Variants in C12orf54 observed in about 807,000 individuals in gnomAD.
The protein encoded by C12orf54 is chromosome 12 open reading frame 54, also known as uncharacterized protein C12orf54.
Under a neutral mutation model 26.4 loss-of-function variants are expected in C12orf54, and 24 were observed. That is an observed-to-expected ratio of 0.91 (90% CI 0.66 to 1.28). The LOEUF (loss-of-function observed/expected upper bound fraction) is 1.28, where lower values mean the gene tolerates loss of function less well. Ranked by LOEUF, C12orf54 falls within the 50% of genes most tolerant of loss-of-function variation. The pLI, the probability that C12orf54 is intolerant of heterozygous loss-of-function variation, is 0.00. For missense variants in C12orf54, 154 were observed against 150.9 expected, an observed-to-expected ratio of 1.02 and a Z score of -0.11; for synonymous variants, 54 against 47.0, an observed-to-expected ratio of 1.15 and a Z score of -0.61.
At chr12:48,434,136 G>A in the C12orf54 span, among the ~76,000 whole-genome samples, 9 of 152,238 alleles carry the variant, frequency 5.9e-5, no homozygotes, top group Admixed American at 2.0e-4. Context: ...GACTCGGAGG[G>A]TCCTACACCC....
At chr12:48,450,169 A>G in the C12orf54 span, among the ~76,000 whole-genome samples, 1 of 152,188 alleles carries the variant, frequency 6.6e-6, no homozygotes, top group African/African-American at 2.4e-5. Context: ...AGGAATGGAG[A>G]AGAAACAATC....
the C12orf54 span, among the ~76,000 whole-genome samples, chr12:48,423,266 G>A: frequency 6.6e-6 from 1 of 152,092 alleles, no homozygotes; most frequent in Non-Finnish European, 1.5e-5. Context: ...AAGTGTAGTT[G>A]ACTATATAAA....
the C12orf54 span, among the ~76,000 whole-genome samples, chr12:48,427,525 G>A: frequency 5.3e-4 from 80 of 152,172 alleles, no homozygotes; most frequent in South Asian, 0.016. Flanking sequence ...CAAGGATATT[G>A]ACCTGAAGCT....
the C12orf54 span, among the ~76,000 whole-genome samples, chr12:48,466,406 A>G: frequency 2.0e-5 from 3 of 152,052 alleles, no homozygotes; most frequent in African/African-American, 7.2e-5. Flanking sequence ...AGCCCTGGGC[A>G]TGGTGACGTG....
chr12:48,432,841 C>T, the C12orf54 span, among the ~76,000 whole-genome samples: 1 of 150,938 alleles, frequency 6.6e-6, no homozygotes, highest in East Asian at 1.9e-4. Flanking sequence ...TGCACTGCAG[C>T]CTGGGCAACA....
chr12:48,474,223 T>C, the C12orf54 span, among the ~76,000 whole-genome samples: 1 of 152,236 alleles, frequency 6.6e-6, no homozygotes, highest in South Asian at 2.1e-4. Context: ...CTTCTACATG[T>C]ATTTCTGTGC....
chr12:48,451,448 C>T, the C12orf54 span, among the ~76,000 whole-genome samples: 2 of 152,160 alleles, frequency 1.3e-5, no homozygotes, highest in African/African-American at 4.8e-5. Flanking sequence ...AAATTGCCCT[C>T]CCTCACCACT....
At chr12:48,415,713 T>C in the C12orf54 span, among the ~76,000 whole-genome samples, 15 of 152,314 alleles carry the variant, frequency 9.8e-5, no homozygotes, top group Admixed American at 6.5e-4. Context: ...AGATGTTCTA[T>C]GCCAGTCTTA....
intron 2 of C12orf54, among the ~76,000 whole-genome samples, chr12:48,484,286 T>C (rs1297124735): frequency 6.6e-6 from 1 of 152,234 alleles, no homozygotes; most frequent in Non-Finnish European, 1.5e-5. Flanking sequence ...ACCTCAAGCC[T>C]GAGACCCAGT....
At chr12:48,492,585 T>A (rs552871406) in intron 6 of C12orf54, among the ~76,000 whole-genome samples, 18 of 152,098 alleles carry the variant, frequency 1.2e-4, no homozygotes, top group Non-Finnish European at 1.2e-4. Context: ...CAGGGTGAGA[T>A]GAGGAGAATT....
chr12:48,453,043 T>G, the C12orf54 span, among the ~76,000 whole-genome samples: 1 of 152,192 alleles, frequency 6.6e-6, no homozygotes, highest in Non-Finnish European at 1.5e-5. Context: ...TGCACATGTC[T>G]GTTCACTGAA....
the C12orf54 span, among the ~76,000 whole-genome samples, chr12:48,434,264 G>A: frequency 3.1e-4 from 47 of 152,240 alleles, no homozygotes; most frequent in South Asian, 1.2e-3. Context: ...AAGTGGCTGG[G>A]AAGCTCGAAC....
the C12orf54 span, among the ~76,000 whole-genome samples, chr12:48,466,993 G>A: frequency 3.9e-5 from 6 of 152,172 alleles, no homozygotes; most frequent in East Asian, 1.9e-4. Flanking sequence ...TGATGTGAAC[G>A]GTACCCCTCC....
At chr12:48,440,027 C>T in the C12orf54 span, among the ~76,000 whole-genome samples, 3 of 152,056 alleles carry the variant, frequency 2.0e-5, no homozygotes, top group Admixed American at 6.6e-5. Flanking sequence ...GAGTTCGAGA[C>T]CAGCCTGGCC....
At chr12:48,439,190 A>T in the C12orf54 span, among the ~76,000 whole-genome samples, 1 of 152,234 alleles carries the variant, frequency 6.6e-6, no homozygotes, top group Admixed American at 6.5e-5. Context: ...AATCGAAACC[A>T]CAATGAGATA....
At chr12:48,467,865 C>A in the C12orf54 span, among the ~76,000 whole-genome samples, 1 of 152,014 alleles carries the variant, frequency 6.6e-6, no homozygotes, top group Non-Finnish European at 1.5e-5. Flanking sequence ...GGCCATGTAA[C>A]AACTTAGCTA....
At chr12:48,476,672 G>T in the C12orf54 span, among the ~76,000 whole-genome samples, 1 of 152,064 alleles carries the variant, frequency 6.6e-6, no homozygotes, top group Non-Finnish European at 1.5e-5. Flanking sequence ...ATGCTAAAGG[G>T]ATCAATTCAA....
chr12:48,464,581 T>C, the C12orf54 span, among the ~76,000 whole-genome samples: 3 of 152,072 alleles, frequency 2.0e-5, no homozygotes, highest in East Asian at 1.9e-4. Flanking sequence ...TTAAAATATA[T>C]GTGGAACCAA....
the C12orf54 span, chr12:48,417,051 T>G: frequency 6.6e-6 from 1 of 152,278 alleles, no homozygotes; most frequent in South Asian, 2.1e-4. Flanking sequence ...TCCTCAATCT[T>G]GGATTCCCAG....
Sources: gnomAD v4.1 joint callset for allele counts (sites outside exome capture counted in the v4.1 genomes callset) on GRCh38, gnomAD v4.1.1 for gene constraint, MANE v1.5 for transcripts, NCBI Gene and HGNC (gene_info 2026-07-23, HGNC 2026-07-21) for gene names.